The following MEI1 variants were observed in gnomAD, a reference collection of about 807,000 sequenced individuals.
MEI1 encodes meiotic double-stranded break formation protein 1.
Under a neutral mutation model 146.2 loss-of-function variants are expected in MEI1, and 103 were observed. The ratio of observed to expected loss-of-function variants is 0.70; its 90% CI spans 0.60 to 0.83. The LOEUF is 0.83. MEI1 is among the 40% of genes least tolerant of loss of function. The pLI, the probability that MEI1 is intolerant of heterozygous loss-of-function variation, is 0.00. For synonymous variants in MEI1, 652 were observed against 628.2 expected, an observed-to-expected ratio of 1.04 and a Z score of -0.57; for missense variants, 1,529 against 1,533.0, an observed-to-expected ratio of 1.00 and a Z score of 0.04.
At chr22:41,716,548 G>A (rs1165101753) in intron 5 of MEI1, among the ~76,000 whole-genome samples, 2 of 149,350 alleles carry the variant, frequency 1.3e-5, no homozygotes, top group Non-Finnish European at 3.0e-5. Flanking sequence ...GACTAATTTT[G>A]TATTTTTGGT....
chr22:41,776,740 A>G (rs978112982), intron 21 of MEI1, among the ~76,000 whole-genome samples: 3 of 152,192 alleles, frequency 2.0e-5, no homozygotes, highest in South Asian at 2.1e-4. Context: ...GATGTTTGGT[A>G]CAGTATGGAG....
At chr22:41,706,759 A>C (rs2069124147) in intron 3 of MEI1, among the ~76,000 whole-genome samples, 1 of 152,060 alleles carries the variant, frequency 6.6e-6, no homozygotes, top group Non-Finnish European at 1.5e-5. Flanking sequence ...GGGTTTACCT[A>C]TAAAGGGTTT....
At chr22:41,716,430 G>A (rs1169308557) in intron 5 of MEI1, among the ~76,000 whole-genome samples, 1 of 143,220 alleles carries the variant, frequency 7.0e-6, no homozygotes, top group African/African-American at 2.6e-5. Context: ...AGGCTGGAGT[G>A]CAATGGCGCA....
intron 19 of MEI1, among the ~76,000 whole-genome samples, chr22:41,768,147 C>T (rs546327324): frequency 2.0e-5 from 3 of 152,154 alleles, no homozygotes; most frequent in South Asian, 2.1e-4. Context: ...TTTGGGAGGC[C>T]GAGGCGGGCG....
chr22:41,728,403 C>A (rs1022990799), intron 7 of MEI1, among the ~76,000 whole-genome samples: 12 of 152,178 alleles, frequency 7.9e-5, no homozygotes, highest in African/African-American at 2.9e-4. Context: ...TATAGTAGAA[C>A]CTTCCCTTGT....
At chr22:41,760,091 C>T (rs1246894175) in intron 18 of MEI1, among the ~76,000 whole-genome samples, 2 of 151,894 alleles carry the variant, frequency 1.3e-5, no homozygotes, top group Non-Finnish European at 2.9e-5. Flanking sequence ...GGGTGGATTA[C>T]GAGGTCAGGA....
chr22:41,738,721 A>G (rs2072597787), intron 11 of MEI1, among the ~76,000 whole-genome samples: 1 of 151,958 alleles, frequency 6.6e-6, no homozygotes, highest in Non-Finnish European at 1.5e-5. Flanking sequence ...GCAGTAAGCC[A>G]AGATCACGCC....
Position 41,718,161 on chromosome 22 carries a change from C to T in MEI1, c.620C>T (p.Ser207Phe). 1 of 1,613,904 alleles carries T rather than the reference C, an allele frequency of 6.2e-7. No homozygotes were observed. The highest frequency in any genetic ancestry group is 8.5e-7 in the Non-Finnish European group (1 of 1,179,848). The change falls in exon 6 of 31, where the codon TCC becomes TTC. Residue 207 changes from serine (S) to phenylalanine (F), a missense_variant. Transcript: ENST00000401548. ...SVCYLYGKLY[S>F]SPVAAEMLSG... ...TGTTACCTTTATGGGAAGCTATACT[C>T]CTCACCAGTGGCAGCTGAGATGCTT... is the stretch of plus-strand genomic sequence containing the variant.
intron 7 of MEI1, among the ~76,000 whole-genome samples, chr22:41,726,218 T>G (rs1301670369): frequency 6.6e-6 from 1 of 151,202 alleles, no homozygotes. Flanking sequence ...GTCCTGAGAC[T>G]ACAGCAAGAA....
At chr22:41,701,713 T>G (rs1446507265) in intron 1 of MEI1, among the ~76,000 whole-genome samples, 2 of 152,162 alleles carry the variant, frequency 1.3e-5, no homozygotes, top group East Asian at 3.8e-4. Context: ...CTTAGAAGAA[T>G]GAACATGTTT....
At chr22:41,753,925 A>C (rs369666538) in intron 16 of MEI1, 24 bp from the exon 17 acceptor site, 16 of 1,505,966 alleles carry the variant, frequency 1.1e-5, no homozygotes, top group Non-Finnish European at 1.4e-5. Context: ...CATCTCTTCT[A>C]TTCTTTCTTC....
chr22:41,764,061 C>T (rs1024219860), intron 19 of MEI1, among the ~76,000 whole-genome samples: 2 of 151,002 alleles, frequency 1.3e-5, no homozygotes, highest in Non-Finnish European at 3.0e-5. Flanking sequence ...CCTGGGTTCA[C>T]GCCATTCTCC....
chr22:41,742,404 T>C (rs2072957499), intron 11 of MEI1, among the ~76,000 whole-genome samples: 1 of 152,212 alleles, frequency 6.6e-6, no homozygotes, highest in South Asian at 2.1e-4. Flanking sequence ...TAGGTAGTGC[T>C]TCTTTTACCA....
chr22:41,785,162 C>G (rs1315934155), intron 26 of MEI1, among the ~76,000 whole-genome samples: 5 of 151,694 alleles, frequency 3.3e-5, no homozygotes, highest in African/African-American at 1.2e-4. Flanking sequence ...GTCTGAATCT[C>G]TTGACCTCGT....
chr22:41,759,644 T>TAAATAAAA (rs2074335876), intron 18 of MEI1, among the ~76,000 whole-genome samples: 1 of 142,368 alleles, frequency 7.0e-6, no homozygotes, highest in African/African-American at 2.6e-5. Flanking sequence ...AATAAATAAA[T>TAAATAAAA]AAATAAATAA....
At chr22:41,789,160 A>C (rs191478436) in intron 26 of MEI1, among the ~76,000 whole-genome samples, 2 of 152,212 alleles carry the variant, frequency 1.3e-5, no homozygotes, top group African/African-American at 4.8e-5. Flanking sequence ...AAATACAAAA[A>C]AATTAGCCGG....
At chr22:41,739,815 A>G (rs1479766647) in intron 11 of MEI1, among the ~76,000 whole-genome samples, 2 of 152,138 alleles carry the variant, frequency 1.3e-5, no homozygotes, top group African/African-American at 4.8e-5. Flanking sequence ...CAGTTGTACT[A>G]TGAAGGGTGA....
intron 3 of MEI1, among the ~76,000 whole-genome samples, chr22:41,713,634 C>G (rs1406237973): frequency 6.6e-6 from 1 of 152,298 alleles, no homozygotes; most frequent in East Asian, 1.9e-4. Context: ...CTACAACCTC[C>G]GCCTGCCGGG....
intron 11 of MEI1, among the ~76,000 whole-genome samples, chr22:41,739,190 GTC>G (rs1325806813): frequency 1.3e-5 from 2 of 151,176 alleles, no homozygotes; most frequent in African/African-American, 4.9e-5. Context: ...TGTAATTCCC[GTC>G]TTAAATTTAA....
Sources: gnomAD v4.1 joint callset for allele counts (sites outside exome capture counted in the v4.1 genomes callset) on GRCh38, gnomAD v4.1.1 for gene constraint, MANE v1.5 for transcripts, NCBI Gene and HGNC (gene_info 2026-07-23, HGNC 2026-07-21) for gene names.